The following CFAP74 variants were observed in gnomAD, a reference collection of about 807,000 sequenced individuals.
CFAP74 encodes cilia- and flagella-associated protein 74.
CFAP74 carries 124 observed loss-of-function variants against 188.9 expected under a neutral mutation model. That is an observed-to-expected ratio of 0.66 (90% CI 0.57 to 0.76). The LOEUF (loss-of-function observed/expected upper bound fraction) is 0.76. Ranked by LOEUF, CFAP74 falls within the 30% of genes least tolerant of loss-of-function variation. The probability of loss-of-function intolerance (pLI) is 0.00; values close to 1 mark genes in which losing one functional copy is unlikely to be tolerated. For missense variants in CFAP74, 2,198 were observed against 2,165.2 expected, an observed-to-expected ratio of 1.02 and a Z score of -0.30; for synonymous variants, 956 against 916.7, an observed-to-expected ratio of 1.04 and a Z score of -0.77.
At position 1,975,828 on chromosome 1, in the gene CFAP74, G is replaced by C. The variant is rs1009492798; in HGVS notation, c.501-1630C>G. Among the ~76,000 whole-genome samples the C allele has an allele frequency of 6.6e-6, 1 of 152,198 alleles. No homozygotes were observed. Among genetic ancestry groups the C allele is most frequent in the African/African-American group, 2.4e-5 (1 of 41,428 alleles). Reference sequence around the variant, plus strand: ...CTGGCTGTCACTTCCCCTGCCCGGTGATCAGTGCTCCAGTGGCCGTGGGAG... The same window carrying C: ...CTGGCTGTCACTTCCCCTGCCCGGTCATCAGTGCTCCAGTGGCCGTGGGAG... On this transcript the variant is annotated intron_variant, in intron 6 of 38. Transcript: ENST00000682832. The surrounding 1 kb of genome is among the most constrained non-coding windows in gnomAD (Gnocchi z 4.5).
In CFAP74 at chr1:1,986,987, C is replaced by A; in HGVS notation, c.345G>T (p.Gln115His). The change falls in exon 5 of 39, where the codon CAG (glutamine) becomes CAT (histidine). Residue 115 changes from glutamine (Q) to histidine (H), a missense_variant. Physicochemically the swap from Gln to His is conservative, Grantham distance 24. Transcript: ENST00000682832. The part of the protein sequence containing the change: ...CRQRRDLIDK[Q>H]QEAVAAEIAT... ...CGATCTCGGCTGCCACAGCCTCCTG[C>A]TGCTTGTCGATCAGGTCCCGCCTCT... 6.2e-7 allele frequency: 1 copy of A among 1,601,802 alleles called. No homozygotes were observed. The highest frequency in any genetic ancestry group is 8.5e-7 in the Non-Finnish European group (1 of 1,179,552).
rs138436574 is a variant in CFAP74 at position 1,996,711 on chromosome 1, C to G, written c.-19-5736G>C. ...CGAGGCGGGTGGATCACTTGAGGTC[C>G]GGAGTTTGAGACCAGCCTGACCAAC... is the stretch of plus-strand genomic sequence containing the variant. On this transcript the variant is annotated intron_variant, in intron 1 of 38. Transcript: ENST00000682832. Among the ~76,000 whole-genome samples the G allele has an allele frequency of 2.6e-5, 4 of 151,478 alleles. No homozygotes were observed. The East Asian group carries it at 7.8e-4, about 30-fold the overall frequency.
rs1258732202 is a variant in CFAP74 at position 1,955,060 on chromosome 1, T to TGAG, written c.2176+630_2176+631insCTC. 288 of 1,269,116 alleles carry TGAG rather than the reference T, an allele frequency of 2.3e-4. 1 individual carries two copies. In the African/African-American group the frequency reaches 3.4e-3, roughly 15 times the overall value. The allele number at this position is 1,269,116 out of a possible 1,614,324, so 78.6% of individuals were successfully genotyped here. On this transcript the variant is annotated intron_variant, in intron 18 of 38. Coordinates refer to ENST00000682832, the MANE Select transcript of CFAP74 (RefSeq NM_001304360.2). ...CCGGAAGTGCGGCTCACACCGGAAG[T>TGAG]GCGGCTCACACCGGAAGTGCGGCTC...
chr1:1,942,242 T>TAGCC lies in CFAP74; in HGVS notation c.2487-87_2487-86insGGCT. 3 of 1,326,378 alleles carry TAGCC rather than the reference T, an allele frequency of 2.3e-6. No individual in the cohort carries two copies. Among genetic ancestry groups the TAGCC allele is most frequent in the Non-Finnish European group, 2.9e-6 (3 of 1,028,272 alleles). 82.2% of individuals were successfully genotyped at this position (1,326,378 alleles called of 1,614,324 possible). A position where few individuals can be genotyped will look rare whatever the true frequency, so the allele number is the denominator to read the frequency against. ...ATGCCTGGAGTTATTAAAACATTTCTGGCACCCAAGCCCCCGAGAGGTGCT... is the reference window on the plus strand; with the variant it reads ...ATGCCTGGAGTTATTAAAACATTTCTAGCCGGCACCCAAGCCCCCGAGAGGTGCT... On this transcript the variant is annotated intron_variant, in intron 21 of 38. Transcript: ENST00000682832. This position sits in a 1 kb window ranked among gnomAD's most constrained non-coding sequence, Gnocchi z 4.3.
intron 1 of CFAP74, among the ~76,000 whole-genome samples, chr1:1,991,689 T>C (rs1453619374): frequency 6.6e-6 from 1 of 152,160 alleles, no homozygotes; most frequent in African/African-American, 2.4e-5. Context: ...GTAACATCAG[T>C]ATCTTTAAGG....
Position 1,938,890 on chromosome 1 carries a change from G to C in CFAP74, c.2976C>G (p.His992Gln). ...VIFQPTKAEE[H>Q]RFQLTCKSEI... is the part of the protein sequence containing the mutation. ...CAGACTTGCAGGTCAGTTGGAATCT[G>C]TGTTCCTCGGCCTTGGTGGGCTGGA... The change falls in exon 25 of 39, where the codon CAC becomes CAG. Residue 992 changes from histidine (H) to glutamine (Q), a missense_variant. Physicochemically the swap from His to Gln is conservative, Grantham distance 24 (BLOSUM62 0). Transcript: ENST00000682832. 6 of 1,536,218 alleles carry C rather than the reference G, an allele frequency of 3.9e-6. No homozygotes were observed. The highest frequency in any genetic ancestry group is 5.2e-6 in the Non-Finnish European group (6 of 1,146,932).
At chr1:1,924,212 G>A (rs1415869962) in intron 34 of CFAP74, among the ~76,000 whole-genome samples, 179 bp downstream of exon 34, 1 of 7,934 alleles carries the variant, frequency 1.3e-4, no homozygotes, top group Non-Finnish European at 2.1e-4. Flanking sequence ...GCCCGTGCCC[G>A]CCAGCTCACC....
intron 20 of CFAP74, among the ~76,000 whole-genome samples, chr1:1,945,003 G>A (rs1653650605): frequency 6.6e-6 from 1 of 152,140 alleles, no homozygotes; most frequent in African/African-American, 2.4e-5. Flanking sequence ...TTAACATTTA[G>A]GTGTTTAAAA....
intron 6 of CFAP74, among the ~76,000 whole-genome samples, chr1:1,977,819 G>C (rs564597399): frequency 1.3e-5 from 2 of 152,328 alleles, no homozygotes; most frequent in African/African-American, 4.8e-5. Flanking sequence ...CAAATGTTTG[G>C]AGAGACAACC....
intron 1 of CFAP74, among the ~76,000 whole-genome samples, chr1:1,995,273 C>T (rs528033011): frequency 4.6e-5 from 7 of 151,910 alleles, no homozygotes; most frequent in East Asian, 1.9e-4. Flanking sequence ...CCGAGGTGGG[C>T]GGATCACTTA....
At chr1:1,946,642 G>A (rs1653794868) in intron 19 of CFAP74, among the ~76,000 whole-genome samples, 1 of 152,190 alleles carries the variant, frequency 6.6e-6, no homozygotes, top group South Asian at 2.1e-4. Flanking sequence ...CGGAGTTGGA[G>A]GCAGCCTGAA....
chr1:1,988,392 G>T, intron 4 of CFAP74, 120 bp downstream of exon 4: 1 of 1,255,860 alleles, frequency 8.0e-7, no homozygotes. Flanking sequence ...GAGACCCTGT[G>T]CGACCCTCCC....
rs1415871038 is a variant in CFAP74 at position 1,968,008 on chromosome 1, ATGAG to A, written c.1245+623_1245+626del. Among the ~76,000 whole-genome samples the A allele has an allele frequency of 1.4e-5, 2 of 142,642 alleles. No homozygotes were observed. The highest frequency in any genetic ancestry group is 2.1e-4 in the East Asian group (1 of 4,670). The allele number at this position is 142,642 out of a possible 152,430, so 93.6% of individuals were successfully genotyped here. A position where few individuals can be genotyped will look rare whatever the true frequency, so the allele number is the denominator to read the frequency against. On this transcript the variant is annotated intron_variant, in intron 11 of 38. Transcript: ENST00000682832. This position sits in a 1 kb window ranked among gnomAD's most constrained non-coding sequence, Gnocchi z 4.3. ...AATGAATGAGTGAATGAGTGAGCGA[ATGAG>A]TGAATGAATGAGTGAATGAGTGAAT... is the stretch of plus-strand genomic sequence containing the variant.
intron 18 of CFAP74, among the ~76,000 whole-genome samples, chr1:1,948,934 T>TCTCTC (rs1558014920): frequency 9.8e-5 from 4 of 40,826 alleles, no homozygotes; most frequent in Admixed American, 3.6e-4. Context: ...CCTTCCTCTT[T>TCTCTC]CCTCCCTTCC....
intron 18 of CFAP74, chr1:1,953,209 T>A (rs942647512): frequency 1.3e-5 from 2 of 152,058 alleles, no homozygotes; most frequent in South Asian, 4.1e-4. Flanking sequence ...ACAATGGCTC[T>A]GGCATAAGAA....
At chr1:1,960,294 C>A (rs540250891) in intron 14 of CFAP74, among the ~76,000 whole-genome samples, 1 of 152,348 alleles carries the variant, frequency 6.6e-6, no homozygotes, top group East Asian at 1.9e-4. Flanking sequence ...GAGGCAAGTC[C>A]CCAGGCCAAC....
At position 1,939,127 on chromosome 1, in the gene CFAP74, C is replaced by T. The variant is rs369381144; in HGVS notation, c.2878-139G>A. On this transcript the variant is annotated intron_variant, in intron 24 of 38. Coordinates refer to ENST00000682832, the MANE Select transcript of CFAP74 (RefSeq NM_001304360.2). ...GTGAGGGTGAGAGTGTCGCTGTCAA[C>T]GAGTGTGTGTCAGCAAGTGTGTGAG... 4.2e-4 allele frequency: 380 copies of T among 908,332 alleles called. 1 individual carries two copies. The East Asian group carries it at 9.3e-3, about 22-fold the overall frequency. 56.3% of individuals were successfully genotyped at this position (908,332 alleles called of 1,614,324 possible).
At chr1:1,986,804 G>A in intron 5 of CFAP74, 133 bp downstream of exon 5, 1 of 699,674 alleles carries the variant, frequency 1.4e-6, no homozygotes, top group South Asian at 1.9e-5. Context: ...GCATGTTCGT[G>A]TTGTGGCCTC....
chr1:1,991,389 G>T (rs1156435642), intron 1 of CFAP74, among the ~76,000 whole-genome samples: 1 of 151,768 alleles, frequency 6.6e-6, no homozygotes, highest in Non-Finnish European at 1.5e-5. Flanking sequence ...CTGCCCAACA[G>T]TATCCTCGAG....
Sources: gnomAD v4.1 joint callset for allele counts (sites outside exome capture counted in the v4.1 genomes callset) on GRCh38, gnomAD v4.1.1 for gene constraint, Gnocchi (gnomAD v3.1) non-coding constraint, MANE v1.5 for transcripts, NCBI Gene and HGNC (gene_info 2026-07-23, HGNC 2026-07-21) for gene names.